The following QPRT variants were observed in gnomAD, a reference collection of about 807,000 sequenced individuals.
QPRT encodes the protein nicotinate-nucleotide pyrophosphorylase [carboxylating].
A neutral mutation model predicts 19.8 loss-of-function variants in QPRT; 17 were observed. The ratio of observed to expected loss-of-function variants is 0.86; its 90% CI spans 0.59 to 1.29. The LOEUF (loss-of-function observed/expected upper bound fraction) is 1.29, where lower values mean the gene tolerates loss of function less well. QPRT is among the 50% of genes most tolerant of loss of function. QPRT has a pLI of 0.00. For synonymous variants in QPRT, 178 were observed against 191.0 expected, an observed-to-expected ratio of 0.93 and a Z score of 0.56; for missense variants, 336 against 405.1, an observed-to-expected ratio of 0.83 and a Z score of 1.46.
chr16:29,684,440 C>T (rs777686163), intron 1 of QPRT, among the ~76,000 whole-genome samples: 4 of 152,134 alleles, frequency 2.6e-5, no homozygotes, highest in African/African-American at 7.2e-5. Flanking sequence ...GGATCACAGG[C>T]GCCCACCACC....
rs1381989674 is a variant in QPRT at position 29,697,518 on chromosome 16, T to C, written c.*107T>C. ...GTGGCCAATGGGGCACATTTGGCAC[T>C]AGCTTGAGCCCAACTCTGGCTCTGC... On this transcript the variant is annotated 3_prime_UTR_variant, in exon 4 of 4. Coordinates refer to ENST00000395384, the MANE Select transcript of QPRT (RefSeq NM_014298.6). This position sits in a 1 kb window ranked among gnomAD's most constrained non-coding sequence, Gnocchi z 4.4. 8.3e-7 allele frequency: 1 copy of C among 1,201,332 alleles called. No individual in the cohort carries two copies. The highest frequency in any genetic ancestry group is 1.5e-5 in the African/African-American group (1 of 65,350). The allele number at this position is 1,201,332 out of a possible 1,614,324, so 74.4% of individuals were successfully genotyped here. A position where few individuals can be genotyped will look rare whatever the true frequency, so the allele number is the denominator to read the frequency against.
At chr16:29,688,087 T>A (rs1967214200) in intron 1 of QPRT, among the ~76,000 whole-genome samples, 1 of 152,162 alleles carries the variant, frequency 6.6e-6, no homozygotes, top group Admixed American at 6.6e-5. Context: ...ACATATTGCA[T>A]TCCAGACTAT....
At chr16:29,685,450 G>A (rs1967133409) in intron 1 of QPRT, among the ~76,000 whole-genome samples, 3 of 152,136 alleles carry the variant, frequency 2.0e-5, no homozygotes, top group Admixed American at 6.6e-5. Flanking sequence ...CAGCCCAGGC[G>A]ACAGTGAGAC....
At chr16:29,685,196 C>T (rs1031411704) in intron 1 of QPRT, among the ~76,000 whole-genome samples, 3 of 152,058 alleles carry the variant, frequency 2.0e-5, no homozygotes, top group Non-Finnish European at 4.4e-5. Flanking sequence ...GTTGGCCGGG[C>T]GCAGTGGCTC....
chr16:29,698,007 A>G lies in QPRT; in HGVS notation c.*596A>G, dbSNP rs1222517476. ...TCCAAAGAAGAAACAAAGGAAAGAAAGAGAGAAAGAGAGAGGGAGGGAGGG... is the reference window on the plus strand; with the variant it reads ...TCCAAAGAAGAAACAAAGGAAAGAAGGAGAGAAAGAGAGAGGGAGGGAGGG... On this transcript the variant is annotated 3_prime_UTR_variant, in exon 4 of 4. Transcript: ENST00000395384. The G allele has an allele frequency of 7.1e-6, 1 of 140,102 alleles. No homozygotes were observed. The highest frequency in any genetic ancestry group is 1.6e-5 in the Non-Finnish European group (1 of 63,924). The allele number at this position is 140,102 out of a possible 1,614,324, so 8.7% of individuals were successfully genotyped here.
At chr16:29,693,561 AT>A (rs1211374342) in intron 1 of QPRT, among the ~76,000 whole-genome samples, 1 of 148,630 alleles carries the variant, frequency 6.7e-6, no homozygotes, top group East Asian at 2.0e-4. Context: ...ACCCAGCCCC[AT>A]CATCCTCATT....
chr16:29,698,483 T>A lies in QPRT; in HGVS notation c.*1072T>A, dbSNP rs777421340. ...TGTGTTATCTGTAAATTCCAGACAT[T>A]GTATGAAAAAGCATTGCAAAACTTT... On this transcript the variant is annotated 3_prime_UTR_variant, in exon 4 of 4. Coordinates refer to ENST00000395384, the MANE Select transcript of QPRT (RefSeq NM_014298.6). 9 of 152,568 alleles carry A rather than the reference T, an allele frequency of 5.9e-5. No individual in the cohort carries two copies. Among genetic ancestry groups the A allele is most frequent in the Non-Finnish European group, 1.0e-4 (7 of 68,030 alleles). The allele number at this position is 152,568 out of a possible 1,614,324, so 9.5% of individuals were successfully genotyped here.
At chr16:29,693,009 C>T (rs1292016200) in intron 1 of QPRT, among the ~76,000 whole-genome samples, 2 of 150,380 alleles carry the variant, frequency 1.3e-5, no homozygotes, top group South Asian at 2.1e-4. Flanking sequence ...TGAAGCGAGC[C>T]GAGATCACTC....
At chr16:29,686,575 C>A (rs1323046819) in intron 1 of QPRT, among the ~76,000 whole-genome samples, 1 of 152,262 alleles carries the variant, frequency 6.6e-6, no homozygotes, top group East Asian at 1.9e-4. Context: ...TGGCTCACTG[C>A]AACCTCCGCC....
At chr16:29,691,775 G>C (rs1967342455) in intron 1 of QPRT, among the ~76,000 whole-genome samples, 1 of 152,140 alleles carries the variant, frequency 6.6e-6, no homozygotes, top group Non-Finnish European at 1.5e-5. Context: ...AGTATAGCTA[G>C]CTCTTAGTGG....
chr16:29,683,086 G>T (rs542769775), intron 1 of QPRT, among the ~76,000 whole-genome samples: 2 of 149,060 alleles, frequency 1.3e-5, no homozygotes, highest in African/African-American at 2.5e-5. Context: ...GTGCAGTGGC[G>T]CAACCTCGGC....
At chr16:29,694,293 G>A (rs897055229) in intron 1 of QPRT, among the ~76,000 whole-genome samples, 3 of 151,674 alleles carry the variant, frequency 2.0e-5, no homozygotes, top group Admixed American at 6.6e-5. Flanking sequence ...TAATTTTTTC[G>A]TATTTTTAGT....
chr16:29,694,660 C>G lies in QPRT; in HGVS notation c.14-4C>G. 2 of 1,534,660 alleles carry G rather than the reference C, an allele frequency of 1.3e-6. No homozygotes were observed. Among genetic ancestry groups the G allele is most frequent in the African/African-American group, 1.4e-5 (1 of 72,748 alleles). On this transcript the variant is annotated splice_region_variant and splice_polypyrimidine_tract_variant and intron_variant, in intron 1 of 3. Coordinates refer to ENST00000395384, the MANE Select transcript of QPRT (RefSeq NM_014298.6). ...ACTCAACAGCTGTTCTCTCTTCCCC[C>G]CAGGCCTGGCGCTGCTGCTGCCGCC...
intron 1 of QPRT, among the ~76,000 whole-genome samples, chr16:29,682,548 CA>C (rs1228499159): frequency 4.0e-5 from 6 of 151,170 alleles, no homozygotes; most frequent in Admixed American, 1.3e-4. Flanking sequence ...AATTTTTTTG[CA>C]TTTTTTTTTT....
chr16:29,683,431 C>G (rs1967072805), intron 1 of QPRT, among the ~76,000 whole-genome samples: 1 of 152,032 alleles, frequency 6.6e-6, no homozygotes, highest in Non-Finnish European at 1.5e-5. Context: ...TCATAGCTCA[C>G]TGCAGCCTCC....
intron 1 of QPRT, among the ~76,000 whole-genome samples, chr16:29,689,736 A>G (rs1967269786): frequency 6.6e-6 from 1 of 152,030 alleles, no homozygotes; most frequent in Non-Finnish European, 1.5e-5. Flanking sequence ...TAGATTCCAG[A>G]CATTGTATGG....
chr16:29,679,273 C>G lies in QPRT; in HGVS notation c.13+63C>G, dbSNP rs1418608312. The G allele has an allele frequency of 9.0e-6, 12 of 1,336,730 alleles. No homozygotes were observed. In the East Asian group the frequency reaches 1.2e-4, roughly 13 times the overall value. 82.8% of individuals were successfully genotyped at this position (1,336,730 alleles called of 1,614,324 possible). ...TCCCCCCACTGCCTACCCCTGCCCC[C>G]ACCCTGGCTTGTCTCAGCCCCTTGT... On this transcript the variant is annotated intron_variant, in intron 1 of 3. Coordinates refer to ENST00000395384, the MANE Select transcript of QPRT (RefSeq NM_014298.6).
intron 1 of QPRT, among the ~76,000 whole-genome samples, chr16:29,692,564 C>CAAAAA: frequency 7.0e-6 from 1 of 143,096 alleles, no homozygotes; most frequent in Non-Finnish European, 1.5e-5. Flanking sequence ...GAGACTATCT[C>CAAAAA]CAAAAAAAAA....
chr16:29,689,754 T>C (rs1410908817), intron 1 of QPRT, among the ~76,000 whole-genome samples: 3 of 152,090 alleles, frequency 2.0e-5, no homozygotes, highest in Admixed American at 1.3e-4. Flanking sequence ...TGGAAGGACA[T>C]TGTGAAACCT....
Sources: gnomAD v4.1 joint callset for allele counts (sites outside exome capture counted in the v4.1 genomes callset) on GRCh38, gnomAD v4.1.1 for gene constraint, Gnocchi (gnomAD v3.1) non-coding constraint, MANE v1.5 for transcripts, NCBI Gene and HGNC (gene_info 2026-07-23, HGNC 2026-07-21) for gene names.